The following BRD2 variants were observed in gnomAD, a reference collection of about 807,000 sequenced individuals.
The protein encoded by BRD2 is bromodomain-containing protein 2.
In BRD2, 15 loss-of-function variants were observed where a neutral mutation model predicts 79.1. That is an observed-to-expected ratio of 0.19 (90% CI 0.13 to 0.29). The LOEUF is 0.29. Among genes scored for constraint, BRD2 ranks in the 10% least tolerant of loss-of-function variants. The pLI is 1.00. For missense variants in BRD2, 1,053 were observed against 991.3 expected, an observed-to-expected ratio of 1.06 and a Z score of -0.84; for synonymous variants, 488 against 358.6, an observed-to-expected ratio of 1.36 and a Z score of -4.08.
At chr6:32,979,463 A>G (rs1236721082) in intron 10 of BRD2, 1 of 268,818 alleles carries the variant, frequency 3.7e-6, no homozygotes, top group Non-Finnish European at 7.1e-6. Context: ...ATTGTGCTTC[A>G]CTTTACGGAG....
In BRD2 at chr6:32,974,719, C is replaced by G; in HGVS notation, c.287C>G (p.Ala96Gly). ...AAGGCTCTGTGGAAACATCAGTTCG[C>G]ATGGCCATTCCGGCAGCCTGTGGAT... ...VMKALWKHQF[A>G]WPFRQPVDAV... Residue 96 changes from alanine (A) to glycine (G), a missense_variant, in exon 3 of 13, where the codon GCA becomes GGA. Ala to Gly is a moderately conservative substitution (Grantham distance 60, BLOSUM62 0). Around this residue, in one of 5 missense-constraint regions of BRD2, gnomAD observed 413 missense variants for 335.1 expected, o/e 1.23. Coordinates refer to ENST00000374825, the MANE Select transcript of BRD2 (RefSeq NM_005104.4). 6.2e-7 allele frequency: 1 copy of G among 1,614,182 alleles called. No homozygotes were observed. Among genetic ancestry groups the G allele is most frequent in the African/African-American group, 1.3e-5 (1 of 75,064 alleles).
intron 4 of BRD2, 61 bp from the exon 5 acceptor site, chr6:32,975,970 T>C (rs1778687635): frequency 1.3e-6 from 2 of 1,531,126 alleles, no homozygotes; most frequent in Non-Finnish European, 1.8e-6. Flanking sequence ...AGAAAGATGG[T>C]GTGTATCTAT....
At chr6:32,969,260 GC>G in intron 1 of BRD2, 2 of 658,962 alleles carry the variant, frequency 3.0e-6, no homozygotes, top group Non-Finnish European at 5.8e-6. Flanking sequence ...CCAGCCTCAT[GC>G]CTCCGTACCC....
chr6:32,970,218 GA>G, intron 1 of BRD2: 2 of 152,718 alleles, frequency 1.3e-5, no homozygotes, highest in Non-Finnish European at 2.9e-5. Flanking sequence ...AGGGGGAGGG[GA>G]AAAGGCCTCT....
rs371593138 is a variant in BRD2 at position 32,980,575 on chromosome 6, T to C, written c.2270-7T>C. Reference sequence around the variant, plus strand: ...GAACGTCTTTAACTTTCGAATTTGTTCTGCAGCGAATGAGAAAACAGAGTC... The same window carrying C: ...GAACGTCTTTAACTTTCGAATTTGTCCTGCAGCGAATGAGAAAACAGAGTC... On this transcript the variant is annotated splice_polypyrimidine_tract_variant and splice_region_variant and intron_variant, in intron 12 of 12. Coordinates refer to ENST00000374825, the MANE Select transcript of BRD2 (RefSeq NM_005104.4). 1.2e-6 allele frequency: 2 copies of C among 1,613,014 alleles called. No homozygotes were observed. Among genetic ancestry groups the C allele is most frequent in the Non-Finnish European group, 1.7e-6 (2 of 1,180,044 alleles).
rs1042111469 is a variant in BRD2, at chr6:32,972,713, G to A, written c.-186G>A. 2.4e-6 allele frequency: 2 copies of A among 831,462 alleles called. No individual in the cohort carries two copies. Among genetic ancestry groups the A allele is most frequent in the African/African-American group, 1.7e-5 (1 of 58,646 alleles). The allele number at this position is 831,462 out of a possible 1,614,324, so 51.5% of individuals were successfully genotyped here. A position where few individuals can be genotyped will look rare whatever the true frequency, so the allele number is the denominator to read the frequency against. On this transcript the variant is annotated 5_prime_UTR_variant, in exon 2 of 13. Transcript: ENST00000374825. ...GTCTGCAGAGCGCGCCAAGCTGCCC[G>A]GAGCTCTCCGAGAGGCCCCAAAGAG...
Position 32,972,048 on chromosome 6 carries a change from T to C in BRD2, c.-851T>C. 1.4e-6 allele frequency: 1 copy of C among 700,878 alleles called. No homozygotes were observed. Among genetic ancestry groups the C allele is most frequent in the African/African-American group, 1.7e-5 (1 of 57,214 alleles). The allele number at this position is 700,878 out of a possible 1,614,324, so 43.4% of individuals were successfully genotyped here. On this transcript the variant is annotated 5_prime_UTR_variant, in exon 2 of 13. Transcript: ENST00000374825. ...AGAAAAAGCTCCCGCGGAGAGGTGT[T>C]CCTTCCCCTTCGACTCAGCTTCTTC... is the stretch of plus-strand genomic sequence containing the variant.
chr6:32,977,272 C>A, intron 7 of BRD2, 170 bp from the exon 8 acceptor site: 2 of 1,563,140 alleles, frequency 1.3e-6, no homozygotes, highest in Non-Finnish European at 1.7e-6. Flanking sequence ...ATAAATATTT[C>A]TTCAACCCAC....
intron 10 of BRD2, chr6:32,979,430 C>T (rs1298973135): frequency 1.4e-5 from 3 of 208,306 alleles, no homozygotes; most frequent in Non-Finnish European, 2.9e-5. Flanking sequence ...TGTCAGTATA[C>T]CTAAACAGGT....
Position 32,968,957 on chromosome 6 carries a change from A to T in BRD2, c.-1404A>T. 6.5e-6 allele frequency: 1 copy of T among 153,628 alleles called. No homozygotes were observed. The highest frequency in any genetic ancestry group is 1.4e-5 in the Non-Finnish European group (1 of 70,672). 9.5% of individuals were successfully genotyped at this position (153,628 alleles called of 1,614,324 possible). A position where few individuals can be genotyped will look rare whatever the true frequency, so the allele number is the denominator to read the frequency against. On this transcript the variant is annotated 5_prime_UTR_variant, in exon 1 of 13. Coordinates refer to ENST00000374825, the MANE Select transcript of BRD2 (RefSeq NM_005104.4). ...TGGGGGCTACGCCCCCTCCCCCAGC[A>T]CGGCTTCGTTTTCTGGGGGGGGGTT...
chr6:32,979,768 G>A, intron 10 of BRD2, 60 bp from the exon 11 acceptor site: 2 of 1,536,722 alleles, frequency 1.3e-6, no homozygotes, highest in South Asian at 2.4e-5. Flanking sequence ...TTATAACAGT[G>A]GGAACATACT....
At chr6:32,971,338 T>G (rs1777947599) in intron 1 of BRD2, 2 of 366,034 alleles carry the variant, frequency 5.5e-6, no homozygotes, top group Non-Finnish European at 9.7e-6. Context: ...AGAAAGGTGC[T>G]TGGACGTGCA....
In BRD2 at chr6:32,972,157, T is replaced by C. The variant is rs2127500689; in HGVS notation, c.-742T>C. 2 of 629,384 alleles carry C rather than the reference T, an allele frequency of 3.2e-6. No homozygotes were observed. Among genetic ancestry groups the C allele is most frequent in the South Asian group, 3.4e-5 (2 of 58,058 alleles). The allele number at this position is 629,384 out of a possible 1,614,324, so 39.0% of individuals were successfully genotyped here. ...CGCGCATGAGCGGCGAAGCTCCTCC[T>C]CCCCGCCTATATATAAAGGGCTGGC... On this transcript the variant is annotated 5_prime_UTR_variant, in exon 2 of 13. Transcript: ENST00000374825.
At position 32,972,318 on chromosome 6, in the gene BRD2, G is replaced by A; in HGVS notation, c.-581G>A. 1 of 385,962 alleles carries A rather than the reference G, an allele frequency of 2.6e-6. No individual in the cohort carries two copies. The highest frequency in any genetic ancestry group is 5.0e-6 in the Non-Finnish European group (1 of 201,822). 23.9% of individuals were successfully genotyped at this position (385,962 alleles called of 1,614,324 possible). The stretch of plus-strand genomic sequence containing the variant: ...ATCCACCTCCATCCGCTTGGAAATG[G>A]CCTTCGTCCCGGCCTATGACTGGTC... On this transcript the variant is annotated 5_prime_UTR_variant, in exon 2 of 13. Coordinates refer to ENST00000374825, the MANE Select transcript of BRD2 (RefSeq NM_005104.4).
Position 32,974,729 on chromosome 6 carries a change from C to A in BRD2, c.297C>A (p.Phe99Leu). ...GGAAACATCAGTTCGCATGGCCATTCCGGCAGCCTGTGGATGCTGTCAAAC... is the reference window on the plus strand; with the variant it reads ...GGAAACATCAGTTCGCATGGCCATTACGGCAGCCTGTGGATGCTGTCAAAC... ...ALWKHQFAWP[F>L]RQPVDAVKLG... The change falls in exon 3 of 13, where the codon TTC becomes TTA. Residue 99 changes from phenylalanine (F) to leucine (L), a missense_variant. By Grantham distance (22) the Phe-to-Leu change is conservative. Transcript: ENST00000374825. 1 of 1,614,104 alleles carries A rather than the reference C, an allele frequency of 6.2e-7. No individual in the cohort carries two copies. Among genetic ancestry groups the A allele is most frequent in the Non-Finnish European group, 8.5e-7 (1 of 1,179,988 alleles).
chr6:32,981,066 T>G lies in BRD2; in HGVS notation c.*348T>G, dbSNP rs1349854595. ...ACTTCTAAGGGCCCTGTTTTGAGAT[T>G]GTTTGTTCTAATTTATTTTAAGCTA... On this transcript the variant is annotated 3_prime_UTR_variant, in exon 13 of 13. Transcript: ENST00000374825. The G allele has an allele frequency of 1.3e-5, 3 of 223,508 alleles. No homozygotes were observed. Among genetic ancestry groups the G allele is most frequent in the Non-Finnish European group, 2.7e-5 (3 of 111,344 alleles). 13.8% of individuals were successfully genotyped at this position (223,508 alleles called of 1,614,324 possible).
In BRD2 at chr6:32,976,550, T is replaced by A. The variant is rs759586172; in HGVS notation, c.826-12T>A. ...TGGAGTGACAGGTTCCCTATCTTGT[T>A]TCTTTCTGCAGAAAAAAGGCGTAAA... On this transcript the variant is annotated splice_polypyrimidine_tract_variant and intron_variant, in intron 6 of 12. Transcript: ENST00000374825. The A allele has an allele frequency of 2.8e-5, 45 of 1,591,550 alleles. No homozygotes were observed. The highest frequency in any genetic ancestry group is 3.7e-5 in the Non-Finnish European group (43 of 1,170,536).
chr6:32,970,590 T>A (rs953601808), intron 1 of BRD2: 2 of 152,236 alleles, frequency 1.3e-5, no homozygotes, highest in African/African-American at 4.8e-5. Context: ...CAAGTTTGTT[T>A]TCTCCCTGGT....
chr6:32,973,884 T>C (rs191666758), intron 2 of BRD2, among the ~76,000 whole-genome samples: 58 of 152,306 alleles, frequency 3.8e-4, no homozygotes, highest in African/African-American at 1.4e-3. Flanking sequence ...TAAGTTGATA[T>C]GGTTCTTCCT....
Sources: allele counts gnomAD v4.1 joint callset (sites outside exome capture counted in the v4.1 genomes callset), GRCh38; gene constraint gnomAD v4.1.1; regional missense constraint gnomAD v4.1.1; transcripts MANE v1.5; gene names NCBI Gene and HGNC (gene_info 2026-07-23, HGNC 2026-07-21).